Variants in SPDYA observed in about 807,000 individuals in gnomAD.
SPDYA encodes speedy/RINGO cell cycle regulator family member A.
A neutral mutation model predicts 36.7 loss-of-function variants in SPDYA; 11 were observed. That is an observed-to-expected ratio of 0.30 (90% CI 0.19 to 0.50). SPDYA has a LOEUF of 0.50. SPDYA is among the 20% of genes least tolerant of loss of function. The pLI is 0.98. For missense variants in SPDYA, 287 were observed against 370.9 expected, an observed-to-expected ratio of 0.77 and a Z score of 1.86; for synonymous variants, 115 against 118.7, an observed-to-expected ratio of 0.97 and a Z score of 0.20.
intron 4 of SPDYA, 78 bp from the exon 5 acceptor site, chr2:28,822,247 T>G (rs766008068): frequency 3.3e-6 from 2 of 604,820 alleles, no homozygotes; most frequent in Non-Finnish European, 5.5e-6. Context: ...TCAGAAAATT[T>G]TAAAGTTAAC....
At chr2:28,826,502 C>T (rs1041027017) in intron 5 of SPDYA, among the ~76,000 whole-genome samples, 1 of 151,852 alleles carries the variant, frequency 6.6e-6, no homozygotes, top group African/African-American at 2.4e-5. Flanking sequence ...AAATATTTCT[C>T]TTCCTCTGCT....
At chr2:28,832,294 A>G (rs1042146940) in intron 6 of SPDYA, among the ~76,000 whole-genome samples, 3 of 152,032 alleles carry the variant, frequency 2.0e-5, no homozygotes, top group African/African-American at 7.3e-5. Context: ...ACTATCCCTC[A>G]TTTCTTCCTG....
rs76294170 is a variant in SPDYA at position 28,828,563 on chromosome 2, T to G, written c.381-585T>G. Among the ~76,000 whole-genome samples the G allele has an allele frequency of 3.7e-3, 564 of 152,380 alleles. 5 individuals carry two copies. The highest frequency in any genetic ancestry group is 0.013 in the African/African-American group (533 of 41,604). Reference sequence around the variant, plus strand: ...ATGGGTATCAGTTTGGGGTTGATTTTGATTAGTCGCCTTATGATGAGTCAT... The same window carrying G: ...ATGGGTATCAGTTTGGGGTTGATTTGGATTAGTCGCCTTATGATGAGTCAT... On this transcript the variant is annotated intron_variant, in intron 5 of 7. Coordinates refer to ENST00000334056, the MANE Select transcript of SPDYA (RefSeq NM_182756.4).
At chr2:28,812,455 T>C (rs1667869248) in intron 1 of SPDYA, among the ~76,000 whole-genome samples, 1 of 135,530 alleles carries the variant, frequency 7.4e-6, no homozygotes, top group East Asian at 2.0e-4. Context: ...TTTTGTGATT[T>C]ACTTACCAAA....
Position 28,850,496 on chromosome 2 carries a change from TG to T in SPDYA, c.*556del. 1 of 843,212 alleles carries T rather than the reference TG, an allele frequency of 1.2e-6. No individual in the cohort carries two copies. Among genetic ancestry groups the T allele is most frequent in the Non-Finnish European group, 1.8e-6 (1 of 545,618 alleles). The allele number at this position is 843,212 out of a possible 1,614,324, so 52.2% of individuals were successfully genotyped here. On this transcript the variant is annotated 3_prime_UTR_variant, in exon 8 of 8. Coordinates refer to ENST00000334056, the MANE Select transcript of SPDYA (RefSeq NM_182756.4). ...TTAAAATATGAGTTACTCTCTTTAT[TG>T]TAAGTTTTTTCTTTATTTATTTCCT... is the stretch of plus-strand genomic sequence containing the variant.
intron 5 of SPDYA, among the ~76,000 whole-genome samples, chr2:28,823,745 A>ATATATATATATAT (rs1491479223): frequency 2.1e-3 from 90 of 42,788 alleles, no homozygotes; most frequent in Non-Finnish European, 3.5e-3. Flanking sequence ...ATATATATAT[A>ATATATATATATAT]AAATTTTTTT....
At chr2:28,847,957 TAGA>T (rs1268467525) in intron 7 of SPDYA, among the ~76,000 whole-genome samples, 1 of 152,142 alleles carries the variant, frequency 6.6e-6, no homozygotes, top group Non-Finnish European at 1.5e-5. Flanking sequence ...GTTTGCAGTC[TAGA>T]AGTAGTAGGC....
intron 7 of SPDYA, among the ~76,000 whole-genome samples, chr2:28,842,522 A>G (rs548611494): frequency 6.6e-6 from 1 of 152,242 alleles, no homozygotes; most frequent in East Asian, 1.9e-4. Flanking sequence ...GTGGATGAAA[A>G]GTGGGGTATT....
chr2:28,848,346 C>A (rs1457987713), intron 7 of SPDYA, among the ~76,000 whole-genome samples: 1 of 152,212 alleles, frequency 6.6e-6, no homozygotes, highest in African/African-American at 2.4e-5. Context: ...TGAGAACTTG[C>A]ATGGCCTCAT....
Position 28,850,112 on chromosome 2 carries a change from G to A in SPDYA, c.*171G>A. On this transcript the variant is annotated 3_prime_UTR_variant, in exon 8 of 8. Coordinates refer to ENST00000334056, the MANE Select transcript of SPDYA (RefSeq NM_182756.4). ...ATAAGTCATAGTAATAGCTAAAAAT[G>A]CCAATCTATGGAAGCAGTGATTTTC... 20 of 1,321,150 alleles carry A rather than the reference G, an allele frequency of 1.5e-5. No homozygotes were observed. The highest frequency in any genetic ancestry group is 2.1e-5 in the Non-Finnish European group (20 of 937,506). 81.8% of individuals were successfully genotyped at this position (1,321,150 alleles called of 1,614,324 possible).
chr2:28,819,181 A>G, intron 4 of SPDYA, 75 bp downstream of exon 4: 1 of 1,126,396 alleles, frequency 8.9e-7, no homozygotes. Context: ...ATGAGACCTT[A>G]TAAGAATTTT....
chr2:28,821,497 G>A (rs947380442), intron 4 of SPDYA, among the ~76,000 whole-genome samples: 1 of 152,064 alleles, frequency 6.6e-6, no homozygotes, highest in African/African-American at 2.4e-5. Flanking sequence ...CACTGCGCCC[G>A]TCAGGAAGTT....
At chr2:28,842,296 G>A (rs923778659) in intron 7 of SPDYA, 3 of 152,188 alleles carry the variant, frequency 2.0e-5, no homozygotes, top group African/African-American at 7.2e-5. Flanking sequence ...AAGTGAGCTG[G>A]GAGAGAATTC....
chr2:28,840,880 C>T, intron 7 of SPDYA: 1 of 548,770 alleles, frequency 1.8e-6, no homozygotes, highest in Non-Finnish European at 2.3e-6. Flanking sequence ...CTGCTTTTTT[C>T]ATTTATCACG....
intron 5 of SPDYA, among the ~76,000 whole-genome samples, chr2:28,823,975 G>A (rs1668248603): frequency 6.6e-6 from 1 of 150,530 alleles, no homozygotes; most frequent in Non-Finnish European, 1.5e-5. Context: ...TCGAACTCCT[G>A]ACCTCAAGTG....
intron 6 of SPDYA, among the ~76,000 whole-genome samples, chr2:28,830,420 G>C (rs1354436201): frequency 1.3e-5 from 2 of 152,080 alleles, no homozygotes; most frequent in South Asian, 2.1e-4. Flanking sequence ...AGCCAGGATA[G>C]TGTCAATCTC....
At chr2:28,826,275 T>C (rs1390419088) in intron 5 of SPDYA, among the ~76,000 whole-genome samples, 1 of 152,022 alleles carries the variant, frequency 6.6e-6, no homozygotes. Flanking sequence ...TAGCTGGGAC[T>C]ACAGGCACAG....
At chr2:28,832,597 A>G (rs550685614) in intron 6 of SPDYA, among the ~76,000 whole-genome samples, 133 of 152,300 alleles carry the variant, frequency 8.7e-4, no homozygotes, top group Non-Finnish European at 1.7e-3. Context: ...TGACTCCTTG[A>G]CACAGACCTC....
intron 5 of SPDYA, among the ~76,000 whole-genome samples, chr2:28,827,185 C>G (rs1027409294): frequency 6.6e-6 from 1 of 151,952 alleles, no homozygotes; most frequent in African/African-American, 2.4e-5. Context: ...CGTGATCCAC[C>G]CGCCTCAGCC....
Sources: gnomAD v4.1 joint callset for allele counts (sites outside exome capture counted in the v4.1 genomes callset) on GRCh38, gnomAD v4.1.1 for gene constraint, MANE v1.5 for transcripts, NCBI Gene and HGNC (gene_info 2026-07-23, HGNC 2026-07-21) for gene names.